The following CCDC77 variants were observed in gnomAD, a reference collection of about 807,000 sequenced individuals.
CCDC77 encodes the protein coiled-coil domain containing 77.
CCDC77 carries 56 observed loss-of-function variants against 66.8 expected under a neutral mutation model. The ratio of observed to expected loss-of-function variants is 0.84; its 90% CI spans 0.68 to 1.05. The LOEUF (loss-of-function observed/expected upper bound fraction) is 1.05. CCDC77 is among the 50% of genes least tolerant of loss of function. CCDC77 has a pLI of 0.00. For missense variants in CCDC77, 570 were observed against 576.8 expected, an observed-to-expected ratio of 0.99 and a Z score of 0.12; for synonymous variants, 196 against 195.2, an observed-to-expected ratio of 1.00 and a Z score of -0.03.
rs769459378 is a variant in CCDC77, at chr12:411,762, C to T, written c.54C>T (p.Ser18=). ...TPVCRKRTVV[S]KRGVAVSGPT... Reference sequence around the variant, plus strand: ...TTTCACGTAGGCGAACAGTTGTCTCCAAACGTGGTGTTGCCGTCAGTGGTC... The same window carrying T: ...TTTCACGTAGGCGAACAGTTGTCTCTAAACGTGGTGTTGCCGTCAGTGGTC... Residue 18 remains serine (S), a synonymous_variant, in exon 4 of 13, where the codon TCC becomes TCT. Coordinates refer to ENST00000239830, the MANE Select transcript of CCDC77 (RefSeq NM_032358.4). 12 of 1,613,426 alleles carry T rather than the reference C, an allele frequency of 7.4e-6. No individual in the cohort carries two copies. The South Asian group carries it at 8.8e-5, about 12-fold the overall frequency.
upstream of CCDC77, among the ~76,000 whole-genome samples, chr12:397,446 G>T (rs1054113238): frequency 2.0e-5 from 3 of 152,088 alleles, no homozygotes; most frequent in Non-Finnish European, 4.4e-5. Context: ...AAGCAGGTTT[G>T]GGAGTACAGG....
intron 1 of CCDC77, among the ~76,000 whole-genome samples, chr12:390,736 A>AACACACACAT (rs1944739375): frequency 6.7e-6 from 1 of 149,462 alleles, no homozygotes; most frequent in African/African-American, 2.5e-5. Context: ...TATCTTTATA[A>AACACACACAT]ACACACACAC....
At position 409,409 on chromosome 12, in the gene CCDC77, C is replaced by T. The variant is rs1565564832; in HGVS notation, c.26C>T (p.Pro9Leu). The change falls in exon 3 of 13, where the codon CCT becomes CTT. Residue 9 changes from proline to leucine, a missense_variant. Pro to Leu is a moderately conservative substitution (Grantham distance 98). Coordinates refer to ENST00000239830, the MANE Select transcript of CCDC77 (RefSeq NM_032358.4). The part of the protein sequence containing the change: MNFTPTHT[P>L]VCRKRTVVSK... Reference sequence around the variant, plus strand: ...ATGAACTTTACCCCAACACACACCCCTGTCTGCAGAAAGTAAGACATTTGC... The same window carrying T: ...ATGAACTTTACCCCAACACACACCCTTGTCTGCAGAAAGTAAGACATTTGC... The T allele has an allele frequency of 5.0e-6, 8 of 1,613,358 alleles. No individual in the cohort carries two copies. The highest frequency in any genetic ancestry group is 6.8e-6 in the Non-Finnish European group (8 of 1,179,816).
chr12:389,410 G>A lies in CCDC77; in HGVS notation c.-189G>A, dbSNP rs887479206. The stretch of plus-strand genomic sequence containing the variant: ...CCTTTCCTTCTTCTTCTCTTCCCCG[G>A]CAGCACAGTGTGGCTGTTTGTCTCC... On this transcript the variant is annotated 5_prime_UTR_variant, in exon 1 of 12. Coordinates refer to the CCDC77 transcript ENST00000422000. The A allele has an allele frequency of 1.2e-4, 64 of 518,304 alleles. 1 individual carries two copies. The East Asian group carries it at 2.1e-3, about 17-fold the overall frequency. 32.1% of individuals were successfully genotyped at this position (518,304 alleles called of 1,614,324 possible).
chr12:399,682 T>C (rs967978176), upstream of CCDC77, among the ~76,000 whole-genome samples: 1 of 152,194 alleles, frequency 6.6e-6, no homozygotes, highest in Non-Finnish European at 1.5e-5. Flanking sequence ...AAATAAAACA[T>C]ACATAAAACG....
chr12:393,306 A>G (rs2369277), intron 1 of CCDC77, among the ~76,000 whole-genome samples: 112,405 of 151,706 alleles, frequency 0.74, 41,752 homozygotes, highest in East Asian at 0.84. Flanking sequence ...TAGACATGGG[A>G]TCTTGCTATG....
rs865960550 is a variant in CCDC77 at position 433,243 on chromosome 12, G to C, written c.742G>C (p.Glu248Gln). Residue 248 changes from glutamate to glutamine, a missense_variant, in exon 9 of 13, where the codon GAG becomes CAG. By Grantham distance (29) the Glu-to-Gln change is conservative. Transcript: ENST00000239830. ...TCGAGAACAAATTGAAGGGCTCATC[G>C]AGGACAGACGGATTCACCTTGAGGA... ...LSREQIEGLI[E>Q]DRRIHLEEIQ... The C allele has an allele frequency of 6.2e-7, 1 of 1,613,928 alleles. No individual in the cohort carries two copies. Among genetic ancestry groups the C allele is most frequent in the South Asian group, 1.1e-5 (1 of 91,068 alleles).
At chr12:413,753 G>A (rs111789589) in intron 4 of CCDC77, among the ~76,000 whole-genome samples, 3,994 of 149,612 alleles carry the variant, frequency 0.027, 225 homozygotes, top group African/African-American at 0.086. Context: ...TCAGCCTCCC[G>A]AGTAGCTGGG....
At chr12:431,212 CTT>C (rs61068771) in intron 7 of CCDC77, among the ~76,000 whole-genome samples, 39,069 of 115,552 alleles carry the variant, frequency 0.34, 5,144 homozygotes, top group East Asian at 0.56. Context: ...TTGCTCAGTT[CTT>C]TTTTTTTTTT....
chr12:418,689 T>G, intron 5 of CCDC77, 53 bp downstream of exon 5: 1 of 1,490,298 alleles, frequency 6.7e-7, no homozygotes, highest in Non-Finnish European at 9.3e-7. Flanking sequence ...TTACATTCAT[T>G]CATTCATTCA....
At chr12:404,329 A>G (rs1160407212) in intron 1 of CCDC77, among the ~76,000 whole-genome samples, 1 of 152,230 alleles carries the variant, frequency 6.6e-6, no homozygotes, top group African/African-American at 2.4e-5. Flanking sequence ...AAAAATAAAT[A>G]AATAAATAGG....
chr12:437,823 G>A (rs1383967368), intron 9 of CCDC77, among the ~76,000 whole-genome samples: 2 of 137,774 alleles, frequency 1.5e-5, no homozygotes, highest in Non-Finnish European at 3.0e-5. Flanking sequence ...TCCAACCTAC[G>A]TGACAGAGCA....
At chr12:425,257 C>T (rs1195445276) in intron 5 of CCDC77, among the ~76,000 whole-genome samples, 2 of 141,178 alleles carry the variant, frequency 1.4e-5, no homozygotes, top group African/African-American at 3.1e-5. Context: ...TGGTGTCCCA[C>T]GGTCAAGTGC....
chr12:442,012 A>G lies in CCDC77; in HGVS notation c.*92A>G. 7.7e-7 allele frequency: 1 copy of G among 1,302,134 alleles called. No individual in the cohort carries two copies. Among genetic ancestry groups the G allele is most frequent in the Non-Finnish European group, 1.1e-6 (1 of 915,686 alleles). The allele number at this position is 1,302,134 out of a possible 1,614,324, so 80.7% of individuals were successfully genotyped here. On this transcript the variant is annotated 3_prime_UTR_variant, in exon 13 of 13. Coordinates refer to ENST00000239830, the MANE Select transcript of CCDC77 (RefSeq NM_032358.4). ...TCTGCTGCCAGAAAATGTAAACCTG[A>G]GTTGACTAGAGTGGTGGTATTCATT...
At chr12:431,834 A>G in intron 7 of CCDC77, 32 bp from the exon 8 acceptor site, 1 of 1,437,292 alleles carries the variant, frequency 7.0e-7, no homozygotes, top group South Asian at 1.2e-5. Context: ...GCTGAGTAAA[A>G]TCTTCTTGAT....
chr12:410,383 T>G (rs548597674), intron 3 of CCDC77, among the ~76,000 whole-genome samples: 1 of 152,182 alleles, frequency 6.6e-6, no homozygotes, highest in South Asian at 2.1e-4. Flanking sequence ...TTCTCCTGCC[T>G]CAGCCTCCCG....
intron 10 of CCDC77, among the ~76,000 whole-genome samples, chr12:439,462 G>A (rs1316777728): frequency 6.6e-6 from 1 of 151,544 alleles, no homozygotes; most frequent in Non-Finnish European, 1.5e-5. Flanking sequence ...AGAGGTTGCA[G>A]TGAGCTGAGA....
intron 9 of CCDC77, chr12:436,760 C>G (rs372542701): frequency 5.1e-6 from 5 of 984,526 alleles, no homozygotes; most frequent in Non-Finnish European, 2.4e-6. Flanking sequence ...AGCACATGAT[C>G]GGTTCCTTCC....
chr12:437,513 T>C (rs1182745333), intron 9 of CCDC77, among the ~76,000 whole-genome samples: 1 of 150,020 alleles, frequency 6.7e-6, no homozygotes, highest in Non-Finnish European at 1.5e-5. Context: ...TAGGCTAAAG[T>C]TGTTGGAAAT....
Sources: allele counts gnomAD v4.1 joint callset (sites outside exome capture counted in the v4.1 genomes callset), GRCh38; gene constraint gnomAD v4.1.1; transcripts MANE v1.5; gene names NCBI Gene and HGNC (gene_info 2026-07-23, HGNC 2026-07-21).